DSCAM: variants seen among roughly 807,000 people sequenced by gnomAD.
DSCAM encodes the protein cell adhesion molecule DSCAM.
In DSCAM, 47 loss-of-function variants were observed where a neutral mutation model predicts 217.7. The ratio of observed to expected loss-of-function variants is 0.22; its 90% CI spans 0.17 to 0.28. The LOEUF (loss-of-function observed/expected upper bound fraction) is 0.28, where lower values mean the gene tolerates loss of function less well. Ranked by LOEUF, DSCAM falls within the 10% of genes least tolerant of loss-of-function variation. DSCAM has a pLI of 1.00. For missense variants in DSCAM, 2,080 were observed against 2,618.3 expected, an observed-to-expected ratio of 0.79 and a Z score of 4.49; for synonymous variants, 1,056 against 1,015.3, an observed-to-expected ratio of 1.04 and a Z score of -0.76.
chr21:40,488,034 G>A (rs763892676), intron 3 of DSCAM, among the ~76,000 whole-genome samples: 7 of 152,182 alleles, frequency 4.6e-5, no homozygotes, highest in Non-Finnish European at 1.0e-4. Context: ...TCCAGAGAGG[G>A]GTTGATGTTT....
chr21:40,621,245 A>T (rs2089512414), intron 3 of DSCAM: 1 of 152,156 alleles, frequency 6.6e-6, no homozygotes, highest in African/African-American at 2.4e-5. Flanking sequence ...AAAACAAACA[A>T]AAAAACTACC....
rs990337764 is a variant in DSCAM, at chr21:40,016,186, T to A, written c.5687-2800A>T. On this transcript the variant is annotated intron_variant, in intron 32 of 32. Transcript: ENST00000400454. The surrounding 1 kb of genome is among the most constrained non-coding windows in gnomAD (Gnocchi z 4.3). Reference sequence around the variant, plus strand: ...GATGGTCTGAGCTCAGGAGCAGCTGTGGGATGTGAGAGAGGGAATTAAATT... The same window carrying A: ...GATGGTCTGAGCTCAGGAGCAGCTGAGGGATGTGAGAGAGGGAATTAAATT... 2.0e-5 allele frequency among the ~76,000 whole-genome samples: 3 copies of A among 151,904 alleles called. No homozygotes were observed. The highest frequency in any genetic ancestry group is 7.3e-5 in the African/African-American group (3 of 41,344).
chr21:40,384,942 GCTTT>G (rs1402028386), intron 3 of DSCAM: 1 of 151,994 alleles, frequency 6.6e-6, no homozygotes, highest in Non-Finnish European at 1.5e-5. Context: ...GGTGTAATTT[GCTTT>G]ATTTATTTTT....
chr21:40,076,618 G>C (rs1164260852), intron 26 of DSCAM, among the ~76,000 whole-genome samples: 2 of 152,164 alleles, frequency 1.3e-5, no homozygotes, highest in African/African-American at 4.8e-5. Flanking sequence ...TTGGGATCTT[G>C]GATAAAGTGA....
At chr21:40,778,970 G>A (rs948846426) in intron 1 of DSCAM, among the ~76,000 whole-genome samples, 2 of 144,422 alleles carry the variant, frequency 1.4e-5, no homozygotes, top group African/African-American at 5.1e-5. Context: ...GTTGCGGTGA[G>A]CTGACATCGT....
At chr21:40,237,585 G>T (rs144641897) in intron 11 of DSCAM, among the ~76,000 whole-genome samples, 1 of 152,190 alleles carries the variant, frequency 6.6e-6, no homozygotes, top group African/African-American at 2.4e-5. Flanking sequence ...TGGTGTATAT[G>T]TGCCACATTT....
chr21:40,422,011 G>A (rs192137315), intron 3 of DSCAM, among the ~76,000 whole-genome samples: 21 of 152,326 alleles, frequency 1.4e-4, no homozygotes, highest in African/African-American at 4.8e-4. Context: ...TAAACTGAAT[G>A]CCTCATTGAC....
intron 30 of DSCAM, among the ~76,000 whole-genome samples, 160 bp from the exon 31 acceptor site, chr21:40,044,435 C>G (rs1314752814): frequency 6.6e-6 from 1 of 152,206 alleles, no homozygotes; most frequent in African/African-American, 2.4e-5. Flanking sequence ...CTTTCCCTTT[C>G]CTTTATGGCT....
chr21:40,765,315 C>A (rs1308531006), intron 1 of DSCAM, among the ~76,000 whole-genome samples: 1 of 152,082 alleles, frequency 6.6e-6, no homozygotes, highest in Non-Finnish European at 1.5e-5. Context: ...AAGGCACTGC[C>A]TGGCCCAGCC....
intron 3 of DSCAM, among the ~76,000 whole-genome samples, chr21:40,556,664 A>G (rs201787481): frequency 0.025 from 3,770 of 151,394 alleles, 123 homozygotes; most frequent in African/African-American, 0.078. Flanking sequence ...AGAGAGAGAG[A>G]GGGGAGGTAC....
At chr21:40,088,548 C>G (rs2089563624) in intron 21 of DSCAM, among the ~76,000 whole-genome samples, 1 of 152,168 alleles carries the variant, frequency 6.6e-6, no homozygotes. Flanking sequence ...GAAGCTGGAC[C>G]TTGTTTTTTG....
rs74440357 is a variant in DSCAM at position 40,260,492 on chromosome 21, C to T, written c.2356+15605G>A. 2.4e-3 allele frequency among the ~76,000 whole-genome samples: 359 copies of T among 152,314 alleles called. 1 individual carries two copies. The highest frequency in any genetic ancestry group is 8.3e-3 in the African/African-American group (346 of 41,578). On this transcript the variant is annotated intron_variant, in intron 11 of 32. Coordinates refer to ENST00000400454, the MANE Select transcript of DSCAM (RefSeq NM_001389.5). The stretch of plus-strand genomic sequence containing the variant: ...ACAAATGTGCATCAGTGACTCTGCT[C>T]CGTAGCTGTTGTCTTTGGATATGTC...
rs576545163 is a variant in DSCAM, at chr21:40,649,325, C to T, written c.508+43485G>A. 2.0e-5 allele frequency among the ~76,000 whole-genome samples: 3 copies of T among 152,322 alleles called. No individual in the cohort carries two copies. The East Asian group carries it at 5.8e-4, about 29-fold the overall frequency. On this transcript the variant is annotated intron_variant, in intron 3 of 32. Transcript: ENST00000400454. ...CTCCAGAGCAGCAGGAGGCATTGCA[C>T]ACATCCCACCTGGAACCTCCACCTC...
At chr21:40,413,227 C>A (rs2075339608) in intron 3 of DSCAM, among the ~76,000 whole-genome samples, 2 of 152,194 alleles carry the variant, frequency 1.3e-5, no homozygotes, top group African/African-American at 2.4e-5. Context: ...CCTACTGGGG[C>A]ACCACCTAGT....
chr21:40,517,393 CACACACAAGCA>C (rs1459343684), intron 3 of DSCAM, among the ~76,000 whole-genome samples: 2 of 124,166 alleles, frequency 1.6e-5, no homozygotes, highest in Admixed American at 9.3e-5. Context: ...CATCTATACA[CACACACAAGCA>C]ACACACACAC....
At chr21:40,101,014 C>T (rs9981369) in intron 20 of DSCAM, among the ~76,000 whole-genome samples, 27,012 of 152,120 alleles carry the variant, frequency 0.18, 3,056 homozygotes, top group East Asian at 0.34. Flanking sequence ...CAGAAACAGC[C>T]AACATTACGA....
chr21:40,093,461 T>C (rs2089636503), intron 21 of DSCAM, among the ~76,000 whole-genome samples: 1 of 152,190 alleles, frequency 6.6e-6, no homozygotes, highest in African/African-American at 2.4e-5. Flanking sequence ...AAGGAATGAA[T>C]GAGGGCTCCT....
chr21:40,598,303 T>C (rs1421127187), intron 3 of DSCAM, among the ~76,000 whole-genome samples: 1 of 152,186 alleles, frequency 6.6e-6, no homozygotes, highest in Non-Finnish European at 1.5e-5. Context: ...CATCACTGAG[T>C]AAAAGTCCAC....
intron 21 of DSCAM, among the ~76,000 whole-genome samples, chr21:40,090,630 T>C (rs1046066493): frequency 6.6e-6 from 1 of 151,682 alleles, no homozygotes; most frequent in African/African-American, 2.4e-5. Flanking sequence ...CCTCTCTGGC[T>C]TTTCCCCTTT....
Sources: allele counts gnomAD v4.1 joint callset (sites outside exome capture counted in the v4.1 genomes callset), GRCh38; gene constraint gnomAD v4.1.1; non-coding constraint Gnocchi (gnomAD v3.1); transcripts MANE v1.5; gene names NCBI Gene and HGNC (gene_info 2026-07-23, HGNC 2026-07-21).